LRRC49: variants seen among roughly 807,000 people sequenced by gnomAD.
LRRC49 encodes the protein leucine-rich repeat-containing protein 49.
In LRRC49, 50 loss-of-function variants were observed where a neutral mutation model predicts 83.3. The ratio of observed to expected loss-of-function variants is 0.60; its 90% CI spans 0.48 to 0.76. LRRC49 has a LOEUF of 0.76. LRRC49 is among the 30% of genes least tolerant of loss of function. The pLI is 0.00. For missense variants in LRRC49, 704 were observed against 809.1 expected (o/e 0.87, Z 1.58); for synonymous variants, 286 against 283.3 (o/e 1.01, Z -0.10).
chr15:70,896,081 A>G (rs1229380930), intron 3 of LRRC49, 145 bp downstream of exon 3: 1 of 582,996 alleles, frequency 1.7e-6, no homozygotes, highest in Non-Finnish European at 3.0e-6. Flanking sequence ...GTATTTTTTT[A>G]AATCATTGGT....
At chr15:70,936,993 T>C (rs2035623337) in intron 8 of LRRC49, among the ~76,000 whole-genome samples, 171 bp downstream of exon 8, 1 of 152,256 alleles carries the variant, frequency 6.6e-6, no homozygotes, top group Non-Finnish European at 1.5e-5. Flanking sequence ...GTGTGTATTC[T>C]TGCCTGTAAT....
At chr15:70,973,299 T>A (rs567065983) in intron 9 of LRRC49, among the ~76,000 whole-genome samples, 1 of 152,314 alleles carries the variant, frequency 6.6e-6, no homozygotes, top group East Asian at 1.9e-4. Flanking sequence ...TGCCTGGGTG[T>A]CACCAGCAGA....
intron 2 of LRRC49, chr15:70,894,568 T>G (rs781728196): frequency 8.4e-7 from 1 of 1,193,560 alleles, no homozygotes; most frequent in Non-Finnish European, 1.1e-6. Context: ...CTGTCTCACC[T>G]CAGCATTTAT....
intron 1 of LRRC49, among the ~76,000 whole-genome samples, chr15:70,865,547 T>C (rs1388307684): frequency 6.6e-6 from 1 of 152,264 alleles, no homozygotes; most frequent in African/African-American, 2.4e-5. Flanking sequence ...TTGCATTTGA[T>C]GTTTATGTCC....
chr15:71,047,131 G>A (rs141899495), intron 15 of LRRC49, among the ~76,000 whole-genome samples: 2,172 of 152,142 alleles, frequency 0.014, 49 homozygotes, highest in African/African-American at 0.049. Flanking sequence ...TAATGCCTCT[G>A]GCTTTGTTCT....
intron 8 of LRRC49, among the ~76,000 whole-genome samples, chr15:70,959,552 A>C: frequency 2.0e-5 from 1 of 49,620 alleles, no homozygotes; most frequent in Admixed American, 2.0e-4. Flanking sequence ...GAAGGAAGGA[A>C]GGAAGGAAGG....
intron 13 of LRRC49, among the ~76,000 whole-genome samples, chr15:71,010,614 C>T (rs185260727): frequency 1.2e-3 from 190 of 152,088 alleles, no homozygotes; most frequent in Admixed American, 2.7e-3. Flanking sequence ...GCCATGACTA[C>T]ATTGGGTAAC....
chr15:71,013,390 G>T (rs1379336158), intron 14 of LRRC49, among the ~76,000 whole-genome samples: 1 of 152,194 alleles, frequency 6.6e-6, no homozygotes, highest in African/African-American at 2.4e-5. Flanking sequence ...ATTGTGGTCT[G>T]ACTTTGAAGA....
At chr15:70,855,196 G>C (rs1317059934) in intron 1 of LRRC49, among the ~76,000 whole-genome samples, 2 of 151,992 alleles carry the variant, frequency 1.3e-5, no homozygotes, top group African/African-American at 2.4e-5. Context: ...TTAGCTGGAC[G>C]TGGTGGCACG....
At chr15:70,902,177 G>A (rs1157114290) in intron 4 of LRRC49, among the ~76,000 whole-genome samples, 1 of 152,130 alleles carries the variant, frequency 6.6e-6, no homozygotes, top group Non-Finnish European at 1.5e-5. Flanking sequence ...TGTTTTGAGG[G>A]ATTTTTTTGG....
chr15:71,000,489 A>G (rs1243881452), intron 11 of LRRC49, among the ~76,000 whole-genome samples: 1 of 152,200 alleles, frequency 6.6e-6, no homozygotes, highest in Non-Finnish European at 1.5e-5. Flanking sequence ...TAAAGAATTA[A>G]GCTATGTTTG....
In LRRC49 at chr15:70,971,412, T is replaced by A. The variant is rs150314996; in HGVS notation, c.921+7480T>A. ...ATTATGCGGTTGATTTTAGAATAAG[T>A]ACGATGTGGTGCTGAGAAGACTGTA... On this transcript the variant is annotated intron_variant, in intron 9 of 15. Coordinates refer to ENST00000260382, the MANE Select transcript of LRRC49 (RefSeq NM_017691.5). Among the ~76,000 whole-genome samples the A allele has an allele frequency of 3.9e-4, 60 of 152,330 alleles. 1 individual carries two copies. Among genetic ancestry groups the A allele is most frequent in the African/African-American group, 1.3e-3 (53 of 41,572 alleles).
At chr15:71,029,981 A>C (rs565035560) in intron 14 of LRRC49, among the ~76,000 whole-genome samples, 1 of 152,276 alleles carries the variant, frequency 6.6e-6, no homozygotes, top group East Asian at 1.9e-4. Flanking sequence ...CTGATTTGCT[A>C]GTCTGATTAT....
At chr15:71,010,065 A>G in intron 13 of LRRC49, 73 bp downstream of exon 13, 1 of 905,334 alleles carries the variant, frequency 1.1e-6, no homozygotes, top group Non-Finnish European at 1.6e-6. Context: ...TTAAATGTTT[A>G]GGAATTTAAG....
Position 70,979,986 on chromosome 15 carries a change from C to A in LRRC49, c.922-115C>A. 7.0e-6 allele frequency: 4 copies of A among 572,782 alleles called. No homozygotes were observed. In the Admixed American group the frequency reaches 1.0e-4, roughly 14 times the overall value. The allele number at this position is 572,782 out of a possible 1,614,324, so 35.5% of individuals were successfully genotyped here. On this transcript the variant is annotated intron_variant, in intron 9 of 15. Transcript: ENST00000260382. Reference sequence around the variant, plus strand: ...AAATTTTTCTTTGAGAGTATATTTTCTGCTAGTAAATACTATGCCTCTCAA... The same window carrying A: ...AAATTTTTCTTTGAGAGTATATTTTATGCTAGTAAATACTATGCCTCTCAA...
At chr15:70,903,068 A>G (rs2034150273) in intron 4 of LRRC49, among the ~76,000 whole-genome samples, 1 of 152,134 alleles carries the variant, frequency 6.6e-6, no homozygotes. Flanking sequence ...TTCCTGTCTT[A>G]GTGATGACCG....
At chr15:70,997,934 A>G (rs552027559) in intron 11 of LRRC49, among the ~76,000 whole-genome samples, 15 of 152,210 alleles carry the variant, frequency 9.9e-5, no homozygotes, top group Admixed American at 3.9e-4. Context: ...TGATTTTCTT[A>G]GTGTACCGTT....
intron 2 of LRRC49, among the ~76,000 whole-genome samples, chr15:70,886,453 CAG>C (rs1378505616): frequency 1.3e-5 from 2 of 151,360 alleles, no homozygotes; most frequent in Admixed American, 6.6e-5. Context: ...AAGTTAAAGA[CAG>C]AGCAGTGGAC....
At chr15:71,032,921 AG>A (rs2039403047) in intron 14 of LRRC49, among the ~76,000 whole-genome samples, 1 of 152,234 alleles carries the variant, frequency 6.6e-6, no homozygotes, top group African/African-American at 2.4e-5. Flanking sequence ...AATGGTCAAA[AG>A]CTGGAAGTAT....
Sources: allele counts gnomAD v4.1 joint callset (sites outside exome capture counted in the v4.1 genomes callset), GRCh38; gene constraint gnomAD v4.1.1; transcripts MANE v1.5; gene names NCBI Gene and HGNC (gene_info 2026-07-23, HGNC 2026-07-21).